SPAG17: variants seen among roughly 807,000 people sequenced by gnomAD.
The protein encoded by SPAG17 is sperm associated antigen 17.
Under a neutral mutation model 273.6 loss-of-function variants are expected in SPAG17, and 169 were observed. That is an observed-to-expected ratio of 0.62 (90% CI 0.55 to 0.70). The LOEUF (loss-of-function observed/expected upper bound fraction) is 0.70. SPAG17 is among the 30% of genes least tolerant of loss of function. SPAG17 has a pLI of 0.00. For synonymous variants in SPAG17, 825 were observed against 873.2 expected (o/e 0.94, Z 0.97); for missense variants, 2,557 against 2,627.8 (o/e 0.97, Z 0.59).
intron 3 of SPAG17, among the ~76,000 whole-genome samples, chr1:118,123,055 T>A (rs1236708080): frequency 2.6e-5 from 4 of 152,192 alleles, no homozygotes; most frequent in Non-Finnish European, 2.9e-5. Flanking sequence ...TGTATTTTAT[T>A]TTGGTGCAGT....
intron 40 of SPAG17, among the ~76,000 whole-genome samples, chr1:117,986,751 C>T (rs528971893): frequency 6.6e-6 from 1 of 152,152 alleles, no homozygotes; most frequent in South Asian, 2.1e-4. Flanking sequence ...GGGAACACTA[C>T]CTTAAAATAT....
chr1:118,052,818 A>G (rs905546156), intron 20 of SPAG17, among the ~76,000 whole-genome samples: 1 of 152,052 alleles, frequency 6.6e-6, no homozygotes, highest in Admixed American at 6.6e-5. Flanking sequence ...AATGCTATCA[A>G]ATCAAACCCA....
intron 43 of SPAG17, among the ~76,000 whole-genome samples, chr1:117,974,490 T>C (rs879503478): frequency 5.9e-5 from 9 of 152,028 alleles, no homozygotes; most frequent in Non-Finnish European, 1.3e-4. Context: ...TATAATACAA[T>C]ACAACATTAA....
chr1:118,097,854 A>C lies in SPAG17; in HGVS notation c.830-3T>G. 2 of 1,561,600 alleles carry C rather than the reference A, an allele frequency of 1.3e-6. No individual in the cohort carries two copies. Among genetic ancestry groups the C allele is most frequent in the Non-Finnish European group, 8.6e-7 (1 of 1,156,108 alleles). On this transcript the variant is annotated splice_polypyrimidine_tract_variant and splice_region_variant and intron_variant, in intron 6 of 48. Transcript: ENST00000336338. ...CTTCAATTTTTCTGCTTCTAGATCT[A>C]ATAATAGCAACATGTTTATATTACC...
At chr1:117,982,610 C>A (rs934739588) in intron 42 of SPAG17, among the ~76,000 whole-genome samples, 1 of 152,178 alleles carries the variant, frequency 6.6e-6, no homozygotes, top group African/African-American at 2.4e-5. Flanking sequence ...TCCCTAAATT[C>A]TTCAGCATGC....
chr1:118,148,316 G>A (rs780302442), intron 3 of SPAG17, among the ~76,000 whole-genome samples: 8 of 152,124 alleles, frequency 5.3e-5, no homozygotes, highest in Non-Finnish European at 8.8e-5. Flanking sequence ...AGTTGGTGCA[G>A]ATCCAAACAC....
chr1:118,025,167 C>G, intron 27 of SPAG17, 71 bp downstream of exon 27: 1 of 1,396,784 alleles, frequency 7.2e-7, no homozygotes. Flanking sequence ...TGTTATAGAA[C>G]AGTTCCTTAC....
At chr1:118,059,750 A>T (rs1448127937) in intron 18 of SPAG17, among the ~76,000 whole-genome samples, 1 of 152,108 alleles carries the variant, frequency 6.6e-6, no homozygotes, top group Admixed American at 6.6e-5. Flanking sequence ...ATATAAGTGT[A>T]GACAACCTTG....
intron 25 of SPAG17, among the ~76,000 whole-genome samples, chr1:118,030,848 G>A (rs1648371480): frequency 6.6e-6 from 1 of 152,082 alleles, no homozygotes; most frequent in African/African-American, 2.4e-5. Flanking sequence ...TCATTGATGG[G>A]CATTTGAGTT....
intron 1 of SPAG17, among the ~76,000 whole-genome samples, chr1:118,160,554 A>C (rs1267681712): frequency 6.6e-6 from 1 of 152,216 alleles, no homozygotes; most frequent in African/African-American, 2.4e-5. Context: ...AAGCGTCTTC[A>C]TTTATCCCTT....
At chr1:118,065,948 A>G (rs1248399334) in intron 18 of SPAG17, among the ~76,000 whole-genome samples, 1 of 152,160 alleles carries the variant, frequency 6.6e-6, no homozygotes, top group Non-Finnish European at 1.5e-5. Flanking sequence ...AAAGGGATAA[A>G]ATGCGTAATT....
intron 10 of SPAG17, among the ~76,000 whole-genome samples, chr1:118,090,490 T>C (rs1655296478): frequency 6.6e-6 from 1 of 152,050 alleles, no homozygotes; most frequent in Non-Finnish European, 1.5e-5. Flanking sequence ...CGAAAAGAAA[T>C]GTATAGCCTT....
At chr1:118,004,172 C>T (rs1320684331) in intron 32 of SPAG17, among the ~76,000 whole-genome samples, 1 of 152,140 alleles carries the variant, frequency 6.6e-6, no homozygotes, top group Non-Finnish European at 1.5e-5. Context: ...GCTGCCTGAT[C>T]CTTCCTCTGG....
At chr1:118,175,204 A>C (rs1157704036) in intron 1 of SPAG17, among the ~76,000 whole-genome samples, 1 of 152,032 alleles carries the variant, frequency 6.6e-6, no homozygotes, top group Non-Finnish European at 1.5e-5. Flanking sequence ...TTAATTTTGT[A>C]TTTTTAGTAG....
chr1:118,039,207 G>A, intron 23 of SPAG17, 85 bp downstream of exon 23: 2 of 1,379,290 alleles, frequency 1.5e-6, no homozygotes, highest in Non-Finnish European at 2.0e-6. Context: ...AAAAGAACAT[G>A]CAATAAGCCA....
chr1:118,130,812 A>C (rs1056647629), intron 3 of SPAG17, among the ~76,000 whole-genome samples: 3 of 152,196 alleles, frequency 2.0e-5, no homozygotes, highest in Non-Finnish European at 4.4e-5. Context: ...TATTGAGTGC[A>C]TATTCTATGC....
intron 1 of SPAG17, among the ~76,000 whole-genome samples, chr1:118,170,044 C>T (rs1660348588): frequency 6.6e-6 from 1 of 152,144 alleles, no homozygotes; most frequent in Admixed American, 6.6e-5. Context: ...CTTCTCAGGA[C>T]ACAATCATAA....
At chr1:118,072,936 C>G (rs1030621836) in intron 17 of SPAG17, among the ~76,000 whole-genome samples, 2 of 151,742 alleles carry the variant, frequency 1.3e-5, no homozygotes, top group African/African-American at 2.4e-5. Context: ...ATTTAGAGAT[C>G]ACCGAGTAAA....
In SPAG17 at chr1:118,074,562, T is replaced by C. The variant is rs1291131770; in HGVS notation, c.2248A>G (p.Thr750Ala). Residue 750 changes from threonine (T) to alanine (A), a missense_variant, in exon 16 of 49, where the codon ACA becomes GCA. By Grantham distance (58) the Thr-to-Ala change is moderately conservative. Coordinates refer to ENST00000336338, the MANE Select transcript of SPAG17 (RefSeq NM_206996.4). ...ACCTTTTCATGAGAATCAGCCTTTG[T>C]GACTGCATCATCTTTGATCTCATTG... is the stretch of plus-strand genomic sequence containing the variant. ...TNNEIKDDAV[T>A]KADSHEKKPK... is the part of the protein sequence containing the mutation. 1.2e-6 allele frequency: 2 copies of C among 1,613,676 alleles called. No homozygotes were observed. Among genetic ancestry groups the C allele is most frequent in the Admixed American group, 3.3e-5 (2 of 59,968 alleles).
Sources: allele counts gnomAD v4.1 joint callset (sites outside exome capture counted in the v4.1 genomes callset), GRCh38; gene constraint gnomAD v4.1.1; transcripts MANE v1.5; gene names NCBI Gene and HGNC (gene_info 2026-07-23, HGNC 2026-07-21).